Variants in PLCE1 observed in about 807,000 individuals in gnomAD.
PLCE1 encodes 1-phosphatidylinositol 4,5-bisphosphate phosphodiesterase epsilon-1.
PLCE1 carries 119 observed loss-of-function variants against 242.8 expected under a neutral mutation model. The observed-to-expected ratio is 0.49, with a 90% CI of 0.42 to 0.57. The LOEUF is 0.57. Ranked by LOEUF, PLCE1 falls within the 20% of genes least tolerant of loss-of-function variation. PLCE1 has a pLI of 0.00. For synonymous variants in PLCE1, 945 were observed against 1,017.4 expected, an observed-to-expected ratio of 0.93 and a Z score of 1.35; for missense variants, 2,441 against 2,788.8, an observed-to-expected ratio of 0.88 and a Z score of 2.81.
chr10:94,238,423 G>A (rs1327603816), intron 7 of PLCE1, among the ~76,000 whole-genome samples: 1 of 152,160 alleles, frequency 6.6e-6, no homozygotes, highest in Non-Finnish European at 1.5e-5. Flanking sequence ...CAGTAGAGCC[G>A]GGTCATGAGC....
intron 2 of PLCE1, among the ~76,000 whole-genome samples, chr10:94,064,313 G>T (rs2044141055): frequency 6.6e-6 from 1 of 152,102 alleles, no homozygotes; most frequent in Non-Finnish European, 1.5e-5. Context: ...CACTTTGGGA[G>T]GCTGAGGTAG....
At chr10:94,297,646 G>A (rs2052887823) in intron 23 of PLCE1, among the ~76,000 whole-genome samples, 1 of 100,288 alleles carries the variant, frequency 1.0e-5, no homozygotes, top group African/African-American at 3.7e-5. Flanking sequence ...TCTGCAAAGT[G>A]CAATAAAACA....
chr10:94,173,120 T>G (rs1052926569), intron 4 of PLCE1, among the ~76,000 whole-genome samples: 1 of 152,192 alleles, frequency 6.6e-6, no homozygotes, highest in East Asian at 1.9e-4. Context: ...AACTGAAGTA[T>G]GTGGAGATGA....
At chr10:94,217,605 A>T (rs938954640) in intron 4 of PLCE1, among the ~76,000 whole-genome samples, 1 of 152,218 alleles carries the variant, frequency 6.6e-6, no homozygotes, top group Non-Finnish European at 1.5e-5. Flanking sequence ...AGAAGAGGAT[A>T]ACACATTCTG....
intron 4 of PLCE1, among the ~76,000 whole-genome samples, chr10:94,175,174 C>CT (rs1262258160): frequency 6.6e-6 from 1 of 152,180 alleles, no homozygotes; most frequent in Admixed American, 6.5e-5. Context: ...CTGCTTCTCT[C>CT]TTGTTAAATT....
At chr10:94,034,778 C>T (rs184073431) in intron 2 of PLCE1, among the ~76,000 whole-genome samples, 166 of 152,224 alleles carry the variant, frequency 1.1e-3, no homozygotes, top group Non-Finnish European at 1.7e-3. Flanking sequence ...TCAAAGTTCC[C>T]TTGGTGATTC....
chr10:94,069,178 C>G (rs1310987487), intron 2 of PLCE1, among the ~76,000 whole-genome samples: 1 of 152,170 alleles, frequency 6.6e-6, no homozygotes, highest in African/African-American at 2.4e-5. Flanking sequence ...TTTTGCCCAC[C>G]ATATCAGGCT....
intron 3 of PLCE1, among the ~76,000 whole-genome samples, chr10:94,133,150 G>A (rs933063036): frequency 7.9e-5 from 12 of 152,052 alleles, no homozygotes; most frequent in African/African-American, 2.7e-4. Flanking sequence ...ACTGTGGTTG[G>A]GAGCAGAGTG....
Position 94,031,915 on chromosome 10 carries a change from G to A in PLCE1, c.869G>A (p.Ser290Asn). Residue 290 changes from serine (S) to asparagine (N), a missense_variant, in exon 2 of 33, where the codon AGT becomes AAT. Around this residue, in one of 5 missense-constraint regions of PLCE1, gnomAD observed 393 missense variants for 378.5 expected, o/e 1.04. Transcript: ENST00000371380. ...TTTTGTAGGAAAGACTTTACTGACAGTCAAGCTGCCAAGACCTTTTTGAGC... is the reference window on the plus strand; with the variant it reads ...TTTTGTAGGAAAGACTTTACTGACAATCAAGCTGCCAAGACCTTTTTGAGC... ...DSFCRKDFTDSQAAKTFLSHF... is the reference protein window; with the variant it reads ...DSFCRKDFTDNQAAKTFLSHF... 2 of 1,613,914 alleles carry A rather than the reference G, an allele frequency of 1.2e-6. No homozygotes were observed. The highest frequency in any genetic ancestry group is 1.7e-6 in the Non-Finnish European group (2 of 1,179,862).
intron 1 of PLCE1, among the ~76,000 whole-genome samples, chr10:94,027,639 G>A (rs2061475145): frequency 6.6e-6 from 1 of 152,074 alleles, no homozygotes; most frequent in African/African-American, 2.4e-5. Context: ...GGCTAACATG[G>A]TGAAACCCCG....
At position 94,298,958 on chromosome 10, in the gene PLCE1, G is replaced by A. The variant is rs535092044; in HGVS notation, c.5458+289G>A. On this transcript the variant is annotated intron_variant, in intron 24 of 32. Coordinates refer to ENST00000371380, the MANE Select transcript of PLCE1 (RefSeq NM_016341.4). This position sits in a 1 kb window ranked among gnomAD's most constrained non-coding sequence, Gnocchi z 5.2. ...AGCTGCTCTTGACAAAGCCATGCCC[G>A]GTTTATGTTTAAAGCTCTTTTTGGA... Among the ~76,000 whole-genome samples the A allele has an allele frequency of 3.4e-4, 51 of 152,208 alleles. No individual in the cohort carries two copies. The highest frequency in any genetic ancestry group is 6.3e-4 in the Non-Finnish European group (43 of 68,014).
intron 4 of PLCE1, among the ~76,000 whole-genome samples, chr10:94,183,564 C>T (rs1412990706): frequency 6.6e-6 from 1 of 152,216 alleles, no homozygotes; most frequent in Non-Finnish European, 1.5e-5. Context: ...AGGCCATCAA[C>T]CAGAGTTTGA....
At chr10:94,015,548 G>A (rs561788648) in intron 1 of PLCE1, among the ~76,000 whole-genome samples, 46 of 152,304 alleles carry the variant, frequency 3.0e-4, no homozygotes, top group Non-Finnish European at 6.0e-4. Flanking sequence ...ACTGGGAACA[G>A]GGCAGTCAGG....
intron 3 of PLCE1, among the ~76,000 whole-genome samples, chr10:94,164,986 T>C (rs977305757): frequency 1.5e-4 from 23 of 152,162 alleles, no homozygotes; most frequent in Non-Finnish European, 3.1e-4. Flanking sequence ...GCCTGATCTT[T>C]CCTCTGGAAG....
At position 94,171,227 on chromosome 10, in the gene PLCE1, A is replaced by C; in HGVS notation, c.1540A>C (p.Ser514Arg). 1.9e-6 allele frequency: 3 copies of C among 1,614,142 alleles called. No individual in the cohort carries two copies. The South Asian group carries it at 3.3e-5, about 18-fold the overall frequency. The change falls in exon 4 of 33, where the codon AGT becomes CGT. Residue 514 changes from serine to arginine, a missense_variant. This residue lies in a region of PLCE1 where 733 missense variants were observed against 754.2 expected (regional missense o/e 0.97). Coordinates refer to ENST00000371380, the MANE Select transcript of PLCE1 (RefSeq NM_016341.4). ...GGCCAATTCCAATGCCCTCCCTTCA[A>C]GTTCAGCTGGGATCAGCAAGGAGCT... ...SVANSNALPS[S>R]SAGISKELID...
intron 2 of PLCE1, among the ~76,000 whole-genome samples, chr10:94,085,239 G>T (rs1472973279): frequency 1.3e-5 from 2 of 152,134 alleles, no homozygotes; most frequent in Admixed American, 6.5e-5. Context: ...TTGGCTTTGG[G>T]GGTCCTAGTG....
intron 2 of PLCE1, among the ~76,000 whole-genome samples, chr10:94,065,597 A>C (rs1472898767): frequency 6.6e-6 from 1 of 152,194 alleles, no homozygotes; most frequent in Non-Finnish European, 1.5e-5. Context: ...TAAAATTATG[A>C]AATCTCTGGA....
chr10:94,024,831 A>C (rs2061429530), intron 1 of PLCE1, among the ~76,000 whole-genome samples: 1 of 152,116 alleles, frequency 6.6e-6, no homozygotes, highest in South Asian at 2.1e-4. Context: ...TTTTCTATAG[A>C]GGTTTCTTGT....
rs1002132170 is a variant in PLCE1 at position 94,269,193 on chromosome 10, C to T, written c.4389+157C>T. Among the ~76,000 whole-genome samples, 15 of 149,398 alleles carry T rather than the reference C, an allele frequency of 1.0e-4. No homozygotes were observed. In the South Asian group the frequency reaches 2.1e-3, roughly 21 times the overall value. On this transcript the variant is annotated intron_variant, in intron 17 of 32. Transcript: ENST00000371380. Reference sequence around the variant, plus strand: ...CTTGGCTCACTGCAACCTCTGCCTCCGAGGTTCAAGAGATTCTCCTACATC... The same window carrying T: ...CTTGGCTCACTGCAACCTCTGCCTCTGAGGTTCAAGAGATTCTCCTACATC...
Sources: allele counts gnomAD v4.1 joint callset (sites outside exome capture counted in the v4.1 genomes callset), GRCh38; gene constraint gnomAD v4.1.1; regional missense constraint gnomAD v4.1.1; non-coding constraint Gnocchi (gnomAD v3.1); transcripts MANE v1.5; gene names NCBI Gene and HGNC (gene_info 2026-07-23, HGNC 2026-07-21).